Variants in GTF2IRD2B observed in about 807,000 individuals in gnomAD.
GTF2IRD2B encodes the protein GTF2I repeat domain containing 2B.
In GTF2IRD2B, 10 loss-of-function variants were observed where a neutral mutation model predicts 55.6. The ratio of observed to expected loss-of-function variants is 0.18; its 90% CI spans 0.11 to 0.31. GTF2IRD2B has a LOEUF of 0.31. GTF2IRD2B is among the 10% of genes least tolerant of loss of function. GTF2IRD2B has a pLI of 1.00. For synonymous variants in GTF2IRD2B, 107 were observed against 320.5 expected, an observed-to-expected ratio of 0.33 and a Z score of 7.12; for missense variants, 206 against 802.7, an observed-to-expected ratio of 0.26 and a Z score of 8.98.
In GTF2IRD2B at chr7:75,136,364, G is replaced by A. The variant is rs1397248149; in HGVS notation, c.806-421G>A. Among the ~76,000 whole-genome samples the A allele has an allele frequency of 6.7e-5, 10 of 148,478 alleles. No homozygotes were observed. In the South Asian group the frequency reaches 1.1e-3, roughly 16 times the overall value. On this transcript the variant is annotated intron_variant, in intron 10 of 15. Coordinates refer to ENST00000472837, the MANE Select transcript of GTF2IRD2B (RefSeq NM_001003795.3). ...CCCAGGCTGGAGTGCAGTGTGTCAC[G>A]ACCTTGGCTCACTGCAGCCTCCACC...
At position 75,126,751 on chromosome 7, in the gene GTF2IRD2B, C is replaced by T. The variant is rs587732206; in HGVS notation, c.670+366C>T. Among the ~76,000 whole-genome samples the T allele has an allele frequency of 7.8e-4, 116 of 148,362 alleles. 6 individuals are homozygous for T. Among genetic ancestry groups the T allele is most frequent in the Non-Finnish European group, 7.0e-4 (47 of 66,730 alleles). Reference sequence around the variant, plus strand: ...GTGGATCACGCCTGTAATCCCAGCACTTTGGGAGGCTGAGGCGGACAGATC... The same window carrying T: ...GTGGATCACGCCTGTAATCCCAGCATTTTGGGAGGCTGAGGCGGACAGATC... On this transcript the variant is annotated intron_variant, in intron 8 of 15. Transcript: ENST00000472837.
chr7:75,109,450 T>G (rs1255284256), intron 2 of GTF2IRD2B, among the ~76,000 whole-genome samples: 9 of 136,240 alleles, frequency 6.6e-5, no homozygotes, highest in Non-Finnish European at 1.5e-4. Flanking sequence ...GCAATTCTCC[T>G]GCCTCAGCCT....
intron 8 of GTF2IRD2B, among the ~76,000 whole-genome samples, chr7:75,132,681 T>C (rs1808704212): frequency 7.5e-6 from 1 of 133,776 alleles, no homozygotes; most frequent in Non-Finnish European, 1.5e-5. Context: ...CAGCCTCCCA[T>C]GTGGCTGGCT....
chr7:75,119,866 G>C (rs587752079), intron 3 of GTF2IRD2B, among the ~76,000 whole-genome samples: 76,456 of 97,628 alleles, frequency 0.78, 33,460 homozygotes, highest in East Asian at 0.97. Flanking sequence ...TGGTGGCTCA[G>C]GCCTGTAATC....
intron 1 of GTF2IRD2B, among the ~76,000 whole-genome samples, chr7:75,106,993 G>A (rs1480085778): frequency 6.6e-6 from 1 of 151,484 alleles, no homozygotes; most frequent in Admixed American, 6.6e-5. Flanking sequence ...GAGCTTTTAG[G>A]AGACAGAAGT....
chr7:75,126,921 C>G (rs1421426364), intron 8 of GTF2IRD2B, among the ~76,000 whole-genome samples: 4 of 148,018 alleles, frequency 2.7e-5, no homozygotes, highest in African/African-American at 7.4e-5. Flanking sequence ...TGCTTGAGCC[C>G]GGGAGGTGGA....
At chr7:75,106,940 C>G (rs1490845617) in intron 1 of GTF2IRD2B, among the ~76,000 whole-genome samples, 1 of 145,748 alleles carries the variant, frequency 6.9e-6, no homozygotes, top group Non-Finnish European at 1.5e-5. Flanking sequence ...ACAAAACAAA[C>G]AAAAAGCTAA....
chr7:75,116,661 G>C (rs1215220060), intron 3 of GTF2IRD2B, among the ~76,000 whole-genome samples: 1 of 97,086 alleles, frequency 1.0e-5, no homozygotes, highest in East Asian at 3.7e-4. Flanking sequence ...TTTTTTCTTT[G>C]AGATGGAGTC....
intron 15 of GTF2IRD2B, among the ~76,000 whole-genome samples, chr7:75,145,463 G>A (rs1584552319): frequency 2.7e-5 from 4 of 149,224 alleles, no homozygotes; most frequent in South Asian, 4.3e-4. Flanking sequence ...GGCTGGGCGC[G>A]GTGACTCACA....
At chr7:75,132,881 A>G (rs587688389) in intron 8 of GTF2IRD2B, among the ~76,000 whole-genome samples, 3 of 147,220 alleles carry the variant, frequency 2.0e-5, no homozygotes, top group Non-Finnish European at 4.4e-5. Flanking sequence ...TTTTCTATTG[A>G]TTTTACAATT....
At chr7:75,132,517 G>A (rs1336487333) in intron 8 of GTF2IRD2B, among the ~76,000 whole-genome samples, 2 of 146,086 alleles carry the variant, frequency 1.4e-5, no homozygotes, top group Non-Finnish European at 3.0e-5. Context: ...CCGCCTTCAC[G>A]ATGCCTTCCT....
intron 1 of GTF2IRD2B, among the ~76,000 whole-genome samples, chr7:75,104,310 G>T (rs111428748): frequency 8.0e-5 from 12 of 150,918 alleles, no homozygotes; most frequent in Admixed American, 5.3e-4. Context: ...AGAAGGGGGG[G>T]GTCTCACCAT....
chr7:75,106,080 C>G (rs1198830715), intron 1 of GTF2IRD2B, among the ~76,000 whole-genome samples: 1 of 152,310 alleles, frequency 6.6e-6, no homozygotes, highest in Non-Finnish European at 1.5e-5. Flanking sequence ...CAAATAACCG[C>G]ATGTGACCTC....
chr7:75,107,574 TAA>T (rs1371808086), intron 1 of GTF2IRD2B, among the ~76,000 whole-genome samples: 3 of 44,720 alleles, frequency 6.7e-5, no homozygotes, highest in Non-Finnish European at 5.5e-5. Context: ...GACTCTGTCT[TAA>T]AAAAAAAAAA....
intron 1 of GTF2IRD2B, among the ~76,000 whole-genome samples, chr7:75,105,417 T>C (rs1807758851): frequency 6.6e-6 from 1 of 152,296 alleles, no homozygotes; most frequent in East Asian, 1.9e-4. Flanking sequence ...GGCAGGAGAA[T>C]CGCTCGAACC....
Position 75,148,227 on chromosome 7 carries a change from G to C in GTF2IRD2B, c.1780G>C (p.Glu594Gln). ...CATGACGGGTACAAAATCTGGCAAC[G>C]AGATCTTTTTGCGTGTTGAGAAGAG... ...VPMTGTKSGN[E>Q]IFLRVEKSLK... Residue 594 changes from glutamate to glutamine, a missense_variant, in exon 16 of 16, where the codon GAG becomes CAG. Glu to Gln is a conservative substitution (Grantham distance 29, BLOSUM62 2). Transcript: ENST00000472837. 3 of 1,613,880 alleles carry C rather than the reference G, an allele frequency of 1.9e-6. No individual in the cohort carries two copies. The highest frequency in any genetic ancestry group is 2.5e-6 in the Non-Finnish European group (3 of 1,179,866).
chr7:75,113,762 G>T (rs1157593347), intron 3 of GTF2IRD2B, among the ~76,000 whole-genome samples: 7 of 139,920 alleles, frequency 5.0e-5, no homozygotes, highest in African/African-American at 1.1e-4. Flanking sequence ...AATCAGAAAG[G>T]TTCGTCAGAG....
At chr7:75,106,054 C>T (rs1403749417) in intron 1 of GTF2IRD2B, among the ~76,000 whole-genome samples, 7 of 152,310 alleles carry the variant, frequency 4.6e-5, no homozygotes, top group African/African-American at 1.7e-4. Context: ...CTGAAAGAGA[C>T]CTTTGTGAAT....
intron 1 of GTF2IRD2B, among the ~76,000 whole-genome samples, chr7:75,100,289 C>CGTTTTTT: frequency 9.6e-6 from 1 of 104,054 alleles, no homozygotes; most frequent in African/African-American, 3.5e-5. Context: ...TTATTTAAAA[C>CGTTTTTT]TTTTTTTTTT....
Sources: allele counts gnomAD v4.1 joint callset (sites outside exome capture counted in the v4.1 genomes callset), GRCh38; gene constraint gnomAD v4.1.1; transcripts MANE v1.5; gene names NCBI Gene and HGNC (gene_info 2026-07-23, HGNC 2026-07-21).